The following GSTA4 variants were observed in gnomAD, a reference collection of about 807,000 sequenced individuals.
GSTA4 encodes glutathione S-transferase alpha 4.
GSTA4 carries 15 observed loss-of-function variants against 24.4 expected under a neutral mutation model. The observed-to-expected ratio is 0.61, with a 90% CI of 0.41 to 0.95. The LOEUF (loss-of-function observed/expected upper bound fraction) is 0.95, where lower values mean the gene tolerates loss of function less well. Ranked by LOEUF, GSTA4 falls within the 40% of genes least tolerant of loss-of-function variation. GSTA4 has a pLI of 0.00. For missense variants in GSTA4, 244 were observed against 262.1 expected (o/e 0.93, Z 0.48); for synonymous variants, 92 against 94.2 (o/e 0.98, Z 0.13).
intron 1 of GSTA4, among the ~76,000 whole-genome samples, chr6:52,994,578 G>C (rs1763729744): frequency 6.6e-6 from 1 of 152,152 alleles, no homozygotes; most frequent in Non-Finnish European, 1.5e-5. Flanking sequence ...TTTTGACCTC[G>C]AGAATCTCAG....
chr6:52,978,259 A>T lies in GSTA4; in HGVS notation c.*211T>A, dbSNP rs948247085. ...ACTTAAATACCAGCCTCTCCAAAAA[A>T]GTTTTCCAATAAAGATCCCCTAACA... is the stretch of plus-strand genomic sequence containing the variant. On this transcript the variant is annotated 3_prime_UTR_variant, in exon 7 of 7. Transcript: ENST00000370963. 1 of 517,342 alleles carries T rather than the reference A, an allele frequency of 1.9e-6. No homozygotes were observed. Among genetic ancestry groups the T allele is most frequent in the Non-Finnish European group, 3.3e-6 (1 of 298,560 alleles). The allele number at this position is 517,342 out of a possible 1,614,324, so 32.0% of individuals were successfully genotyped here.
chr6:52,981,613 T>C (rs889598413), intron 6 of GSTA4, among the ~76,000 whole-genome samples: 1 of 152,308 alleles, frequency 6.6e-6, no homozygotes, highest in African/African-American at 2.4e-5. Context: ...CATTTAAAAA[T>C]GTAAAAATTA....
At chr6:52,992,156 T>C (rs1350939463) in intron 2 of GSTA4, among the ~76,000 whole-genome samples, 1 of 151,966 alleles carries the variant, frequency 6.6e-6, no homozygotes, top group Admixed American at 6.5e-5. Context: ...TGTCAGAAAG[T>C]GCTGAGAACA....
chr6:52,989,790 A>G (rs1763630628), intron 2 of GSTA4, among the ~76,000 whole-genome samples: 1 of 152,248 alleles, frequency 6.6e-6, no homozygotes, highest in South Asian at 2.1e-4. Flanking sequence ...TTGTCCCTGG[A>G]TATTTGTACT....
intron 3 of GSTA4, among the ~76,000 whole-genome samples, chr6:52,986,047 G>GAA (rs142642672): frequency 6.8e-6 from 1 of 147,618 alleles, no homozygotes. Context: ...ACTCTACCTC[G>GAA]AAAAAAAAAA....
intron 5 of GSTA4, among the ~76,000 whole-genome samples, chr6:52,982,984 A>G (rs1417574019): frequency 1.3e-5 from 2 of 152,194 alleles, no homozygotes; most frequent in African/African-American, 4.8e-5. Context: ...TGAATGAGAC[A>G]TTGAAGTGGG....
chr6:52,981,907 A>C (rs1763458318), intron 6 of GSTA4, among the ~76,000 whole-genome samples: 4 of 152,218 alleles, frequency 2.6e-5, no homozygotes, highest in Admixed American at 2.6e-4. Context: ...GAACCACACA[A>C]GTCTTTCCTT....
At position 52,994,269 on chromosome 6, in the gene GSTA4, A is replaced by G. The variant is rs745755448; in HGVS notation, c.-18-8T>C. The G allele has an allele frequency of 7.6e-5, 114 of 1,497,374 alleles. No homozygotes were observed. Among genetic ancestry groups the G allele is most frequent in the Non-Finnish European group, 1.1e-5 (12 of 1,074,644 alleles). The allele number at this position is 1,497,374 out of a possible 1,614,324, so 92.8% of individuals were successfully genotyped here. A position where few individuals can be genotyped will look rare whatever the true frequency, so the allele number is the denominator to read the frequency against. ...GATAGCTTTTCAGGCTTTCTGAAAT[A>G]CAAATGCAGCAGCTCGTCGCAGACC... On this transcript the variant is annotated splice_polypyrimidine_tract_variant and splice_region_variant and intron_variant, in intron 1 of 6. Transcript: ENST00000370963.
chr6:52,983,929 TAA>T (rs1296318390), intron 5 of GSTA4, among the ~76,000 whole-genome samples: 3 of 152,072 alleles, frequency 2.0e-5, no homozygotes, highest in Admixed American at 1.3e-4. Context: ...ATTGAAACAC[TAA>T]AAAAGTTCCT....
intron 1 of GSTA4, chr6:52,995,013 TA>T (rs1284854719): frequency 4.6e-5 from 7 of 151,286 alleles, no homozygotes; most frequent in South Asian, 2.1e-4. Flanking sequence ...AGAAGGGGTT[TA>T]AAAAAAAATA....
At chr6:52,985,612 G>T in intron 3 of GSTA4, 29 bp from the exon 4 acceptor site, 6 of 1,610,530 alleles carry the variant, frequency 3.7e-6, no homozygotes, top group Non-Finnish European at 5.1e-6. Context: ...AGTTAGAAGT[G>T]ATCTTTTCTT....
intron 6 of GSTA4, among the ~76,000 whole-genome samples, chr6:52,981,416 T>C (rs528676525): frequency 3.9e-5 from 6 of 152,346 alleles, no homozygotes; most frequent in Non-Finnish European, 8.8e-5. Flanking sequence ...GCAAATATTT[T>C]AAGTTCTGCA....
In GSTA4 at chr6:52,984,623, G is replaced by A. The variant is rs1763519551; in HGVS notation, c.273-18C>T. 1 of 1,601,654 alleles carries A rather than the reference G, an allele frequency of 6.2e-7. No homozygotes were observed. Among genetic ancestry groups the A allele is most frequent in the African/African-American group, 1.4e-5 (1 of 74,048 alleles). The stretch of plus-strand genomic sequence containing the variant: ...TGTCAATCCTTAAAACAAAAAAGCA[G>A]TTGTCTCAGTTTCTCCTCTCTTTGA... On this transcript the variant is annotated intron_variant, in intron 4 of 6. Coordinates refer to ENST00000370963, the MANE Select transcript of GSTA4 (RefSeq NM_001512.4).
chr6:52,994,332 G>C, intron 1 of GSTA4, 71 bp from the exon 2 acceptor site: 1 of 725,802 alleles, frequency 1.4e-6, no homozygotes, highest in Non-Finnish European at 2.4e-6. Context: ...CAGTGCTCAG[G>C]GGCGAAATGA....
chr6:52,987,338 G>C lies in GSTA4; in HGVS notation c.139+19C>G. On this transcript the variant is annotated intron_variant, in intron 3 of 6. Transcript: ENST00000370963. The stretch of plus-strand genomic sequence containing the variant: ...AGGAAAATCAGTATTAGAGGCAGTT[G>C]TTTCATTTTCATACTCACCATCCTG... The C allele has an allele frequency of 6.6e-7, 1 of 1,509,288 alleles. No individual in the cohort carries two copies. The allele number at this position is 1,509,288 out of a possible 1,614,324, so 93.5% of individuals were successfully genotyped here.
At position 52,978,127 on chromosome 6, in the gene GSTA4, A is replaced by G. The variant is rs952340821; in HGVS notation, c.*343T>C. The G allele has an allele frequency of 8.5e-6, 2 of 234,984 alleles. No homozygotes were observed. The highest frequency in any genetic ancestry group is 4.7e-5 in the African/African-American group (2 of 42,574). 14.6% of individuals were successfully genotyped at this position (234,984 alleles called of 1,614,324 possible). On this transcript the variant is annotated 3_prime_UTR_variant, in exon 7 of 7. Coordinates refer to ENST00000370963, the MANE Select transcript of GSTA4 (RefSeq NM_001512.4). ...AGAGAACAGGATAAGGAGAGCAGAA[A>G]GACGCTCAGGAGAGTAGAAAGACAC...
At chr6:52,985,890 G>T (rs45474299) in intron 3 of GSTA4, among the ~76,000 whole-genome samples, 7,062 of 152,058 alleles carry the variant, frequency 0.046, 228 homozygotes, top group Non-Finnish European at 0.068. Context: ...GCCTCTACTA[G>T]ATATACAAAA....
chr6:52,978,484 T>A lies in GSTA4; in HGVS notation c.655A>T (p.Ile219Phe). The A allele has an allele frequency of 6.2e-7, 1 of 1,613,386 alleles. No individual in the cohort carries two copies. The highest frequency in any genetic ancestry group is 8.5e-7 in the Non-Finnish European group (1 of 1,179,722). ...DEIYVRTVYN[I>F]FRP is the part of the protein sequence containing the mutation. ...GATGTGTTGTTTTATGGCCTAAAGA[T>A]GTTGTAGACGGTTCTCACATAAATT... The change falls in exon 7 of 7, where the codon ATC (isoleucine) becomes TTC (phenylalanine). Residue 219 changes from isoleucine to phenylalanine, a missense_variant. Physicochemically the swap from Ile to Phe is conservative, Grantham distance 21. Transcript: ENST00000370963.
At chr6:52,993,886 G>A in intron 2 of GSTA4, 3 of 490,174 alleles carry the variant, frequency 6.1e-6, no homozygotes, top group Admixed American at 3.1e-5. Flanking sequence ...ACAATTTTCA[G>A]GTAAATTTCC....
Sources: gnomAD v4.1 joint callset for allele counts (sites outside exome capture counted in the v4.1 genomes callset) on GRCh38, gnomAD v4.1.1 for gene constraint, MANE v1.5 for transcripts, NCBI Gene and HGNC (gene_info 2026-07-23, HGNC 2026-07-21) for gene names.